Variants in SI observed in about 807,000 individuals in gnomAD.
SI encodes sucrase-isomaltase, intestinal.
A neutral mutation model predicts 253.3 loss-of-function variants in SI; 235 were observed. That is an observed-to-expected ratio of 0.93 (90% CI 0.83 to 1.03). The LOEUF is 1.03. SI is among the 50% of genes least tolerant of loss of function. The pLI is 0.00. For missense variants in SI, 2,442 were observed against 2,211.1 expected, an observed-to-expected ratio of 1.10 and a Z score of -2.09; for synonymous variants, 819 against 712.0, an observed-to-expected ratio of 1.15 and a Z score of -2.39.
chr3:165,047,505 A>C (rs1226096296), intron 15 of SI, among the ~76,000 whole-genome samples: 1 of 152,076 alleles, frequency 6.6e-6, no homozygotes, highest in African/African-American at 2.4e-5. Context: ...ATTATGTCAA[A>C]ATTTTATATC....
At chr3:165,088,216 C>G in the SI span, among the ~76,000 whole-genome samples, 1 of 151,944 alleles carries the variant, frequency 6.6e-6, no homozygotes, top group African/African-American at 2.4e-5. Flanking sequence ...CATGGTGGCA[C>G]ATGCCTGTAA....
At chr3:164,979,573 A>C in intron 47 of SI, 143 bp from the exon 48 acceptor site, 1 of 550,320 alleles carries the variant, frequency 1.8e-6, no homozygotes, top group Non-Finnish European at 3.2e-6. Flanking sequence ...ACTCTCAGAA[A>C]GTTTGCAACC....
At position 165,065,392 on chromosome 3, in the gene SI, A is replaced by C. The variant is rs1560015600; in HGVS notation, c.676T>G (p.Tyr226Asp). The C allele has an allele frequency of 6.3e-7, 1 of 1,586,358 alleles. No individual in the cohort carries two copies. Among genetic ancestry groups the C allele is most frequent in the Admixed American group, 1.7e-5 (1 of 58,612 alleles). The change falls in exon 7 of 48, where the codon TAC (tyrosine) becomes GAC (aspartate). Residue 226 changes from tyrosine (Y) to aspartate (D), a missense_variant. Tyr to Asp is a radical substitution (Grantham distance 160, BLOSUM62 -3). Coordinates refer to ENST00000264382, the MANE Select transcript of SI (RefSeq NM_001041.4). ...GGAAGACGGGTTGAGATCTGTAAGTACTGGTCAGAGTACACTAAGGGACCA... is the reference window on the plus strand; with the variant it reads ...GGAAGACGGGTTGAGATCTGTAAGTCCTGGTCAGAGTACACTAAGGGACCA... Reference protein sequence around the residue: ...SIGPLVYSDQYLQISTRLPSD... With the variant: ...SIGPLVYSDQDLQISTRLPSD...
chr3:165,012,761 G>C (rs1274125434), intron 34 of SI, among the ~76,000 whole-genome samples: 1 of 152,026 alleles, frequency 6.6e-6, no homozygotes, highest in South Asian at 2.1e-4. Context: ...TGATTGCTTG[G>C]ATTAAATAAA....
intron 41 of SI, among the ~76,000 whole-genome samples, chr3:164,993,317 T>C (rs1164363651): frequency 6.6e-6 from 1 of 151,686 alleles, no homozygotes; most frequent in Non-Finnish European, 1.5e-5. Context: ...GAAGGGATTA[T>C]GGTAGATGAT....
At chr3:165,056,005 G>A (rs991460165) in intron 12 of SI, among the ~76,000 whole-genome samples, 2 of 152,054 alleles carry the variant, frequency 1.3e-5, no homozygotes, top group Admixed American at 6.6e-5. Context: ...AACACTATGT[G>A]TATTATGCTG....
chr3:165,009,420 CAT>C, intron 34 of SI, 25 bp from the exon 35 acceptor site: 1 of 1,302,280 alleles, frequency 7.7e-7, no homozygotes, highest in Non-Finnish European at 1.1e-6. Flanking sequence ...TTTAGGCTCA[CAT>C]GTGGAAAGTC....
intron 28 of SI, among the ~76,000 whole-genome samples, chr3:165,019,284 G>T (rs747047855): frequency 6.6e-6 from 1 of 151,860 alleles, no homozygotes; most frequent in Non-Finnish European, 1.5e-5. Context: ...CTAAAAGCTG[G>T]AGTAAAGGTA....
chr3:165,054,774 G>A (rs1713611374), intron 13 of SI, among the ~76,000 whole-genome samples: 1 of 152,110 alleles, frequency 6.6e-6, no homozygotes, highest in Admixed American at 6.6e-5. Context: ...TTACTAAAGA[G>A]AAGTCTCTAA....
intron 44 of SI, among the ~76,000 whole-genome samples, chr3:164,989,377 A>AAAGG (rs1717603001): frequency 1.0e-5 from 1 of 96,858 alleles, no homozygotes; most frequent in East Asian, 3.2e-4. Context: ...AGAAAGGAAG[A>AAAGG]AAGAAAGAAA....
Position 165,059,956 on chromosome 3 carries a change from T to C in SI, c.1092A>G (p.Ser364=). The C allele has an allele frequency of 6.2e-7, 1 of 1,612,312 alleles. No individual in the cohort carries two copies. Among genetic ancestry groups the C allele is most frequent in the Non-Finnish European group, 8.5e-7 (1 of 1,178,786 alleles). The change falls in exon 10 of 48, where the codon TCA becomes TCG. Residue 364 remains serine, a synonymous_variant. Coordinates refer to ENST00000264382, the MANE Select transcript of SI (RefSeq NM_001041.4). ...GFQLSRWNYK[S]LDVVKEVVRR... is the part of the protein sequence containing the mutation. ...TTACCACTTCTTTCACTACATCTAG[T>C]GACTTATAATTCCAGCGACTTAGTT... is the stretch of plus-strand genomic sequence containing the variant.
At chr3:165,070,160 TA>T (rs1357882246) in intron 3 of SI, among the ~76,000 whole-genome samples, 1 of 127,004 alleles carries the variant, frequency 7.9e-6, no homozygotes, top group African/African-American at 2.8e-5. Flanking sequence ...TTATTATATA[TA>T]AAATATATTT....
chr3:164,999,280 T>G (rs1718156716), intron 37 of SI, among the ~76,000 whole-genome samples: 1 of 151,722 alleles, frequency 6.6e-6, no homozygotes, highest in South Asian at 2.1e-4. Flanking sequence ...TCTCAGTCTT[T>G]GGAGAATGAA....
chr3:165,063,873 AT>A (rs1316334717), intron 7 of SI, among the ~76,000 whole-genome samples: 1 of 150,084 alleles, frequency 6.7e-6, no homozygotes, highest in East Asian at 2.0e-4. Context: ...GATTGAAACC[AT>A]CCTGGCTAAC....
intron 26 of SI, among the ~76,000 whole-genome samples, chr3:165,023,207 A>T (rs1197832648): frequency 6.6e-6 from 1 of 151,578 alleles, no homozygotes; most frequent in Admixed American, 6.6e-5. Flanking sequence ...GGTATGTCTT[A>T]TTGCATTGGC....
At chr3:165,010,489 G>A (rs1159242044) in intron 34 of SI, among the ~76,000 whole-genome samples, 1 of 151,962 alleles carries the variant, frequency 6.6e-6, no homozygotes, top group Non-Finnish European at 1.5e-5. Flanking sequence ...GAGTAGAAAG[G>A]GACTTAATTT....
intron 3 of SI, among the ~76,000 whole-genome samples, chr3:165,071,918 T>G (rs1714604092): frequency 6.6e-6 from 1 of 152,168 alleles, no homozygotes; most frequent in Non-Finnish European, 1.5e-5. Context: ...TGCGGAATTT[T>G]GTTATGGCAG....
intron 34 of SI, among the ~76,000 whole-genome samples, chr3:165,011,144 T>C (rs919389776): frequency 4.6e-5 from 7 of 152,188 alleles, no homozygotes; most frequent in Non-Finnish European, 7.3e-5. Context: ...ATCTTTATTT[T>C]CTTCCCTCTA....
chr3:165,080,582 A>T (rs1560025449), upstream of SI, among the ~76,000 whole-genome samples: 1 of 152,060 alleles, frequency 6.6e-6, no homozygotes, highest in Admixed American at 6.6e-5. Context: ...ATAAAAAAGG[A>T]TGAGTTCATG....
Sources: allele counts gnomAD v4.1 joint callset (sites outside exome capture counted in the v4.1 genomes callset), GRCh38; gene constraint gnomAD v4.1.1; transcripts MANE v1.5; gene names NCBI Gene and HGNC (gene_info 2026-07-23, HGNC 2026-07-21).